The following MAST2 variants were observed in gnomAD, a reference collection of about 807,000 sequenced individuals.
The protein encoded by MAST2 is microtubule-associated serine/threonine-protein kinase 2.
In MAST2, 70 loss-of-function variants were observed where a neutral mutation model predicts 147.4. The ratio of observed to expected loss-of-function variants is 0.47; its 90% CI spans 0.39 to 0.58. The LOEUF is 0.58. MAST2 is among the 20% of genes least tolerant of loss of function. MAST2 has a pLI of 0.00. For missense variants in MAST2, 2,080 were observed against 2,302.3 expected (o/e 0.90, Z 1.98); for synonymous variants, 869 against 896.8 (o/e 0.97, Z 0.55).
chr1:45,839,533 G>T (rs1005774067), intron 3 of MAST2, among the ~76,000 whole-genome samples: 2 of 152,036 alleles, frequency 1.3e-5, no homozygotes, highest in African/African-American at 4.8e-5. Context: ...CTGGCCTCCC[G>T]AAATGCTGGC....
intron 3 of MAST2, chr1:45,847,268 G>C (rs1016294361): frequency 2.0e-6 from 1 of 510,516 alleles, no homozygotes; most frequent in African/African-American, 2.0e-5. Flanking sequence ...TCTGCTTGAT[G>C]ATGGTGTCCT....
At chr1:45,902,699 G>T (rs1167243735) in intron 4 of MAST2, among the ~76,000 whole-genome samples, 1 of 151,656 alleles carries the variant, frequency 6.6e-6, no homozygotes, top group African/African-American at 2.4e-5. Context: ...TTTCTTCCTG[G>T]TTCATTCTTA....
intron 3 of MAST2, among the ~76,000 whole-genome samples, chr1:45,832,153 A>G (rs1044615252): frequency 7.9e-5 from 12 of 152,132 alleles, no homozygotes; most frequent in African/African-American, 1.7e-4. Flanking sequence ...CAACATGTCT[A>G]TTAAAGCCTC....
In MAST2 at chr1:45,849,658, C is replaced by T. The variant is rs190986979; in HGVS notation, c.468+20077C>T. On this transcript the variant is annotated intron_variant, in intron 3 of 28. Coordinates refer to ENST00000361297, the MANE Select transcript of MAST2 (RefSeq NM_015112.3). ...TCTCCTGCCTCAGCCTCTGGAGTAG[C>T]TGGGACTACAGGCGCCCGCCACCAC... is the stretch of plus-strand genomic sequence containing the variant. Among the ~76,000 whole-genome samples the T allele has an allele frequency of 2.7e-3, 418 of 152,164 alleles. 2 individuals carry two copies. The highest frequency in any genetic ancestry group is 9.3e-3 in the African/African-American group (386 of 41,536).
At chr1:45,865,285 T>C (rs1646108035) in intron 3 of MAST2, 1 of 334,138 alleles carries the variant, frequency 3.0e-6, no homozygotes, top group African/African-American at 2.1e-5. Context: ...TTCTTTGATG[T>C]ATAGTTATAA....
intron 5 of MAST2, among the ~76,000 whole-genome samples, chr1:45,966,635 T>C (rs557911491): frequency 3.5e-4 from 53 of 152,148 alleles, no homozygotes; most frequent in African/African-American, 1.2e-3. Context: ...CGCAGGAGAA[T>C]CGCTTGAACC....
intron 3 of MAST2, among the ~76,000 whole-genome samples, chr1:45,878,905 C>A (rs1570501356): frequency 6.8e-6 from 1 of 146,664 alleles, no homozygotes; most frequent in African/African-American, 2.5e-5. Flanking sequence ...CACTTCTTTC[C>A]AAATTGATGT....
intron 4 of MAST2, among the ~76,000 whole-genome samples, chr1:45,884,915 G>A (rs968437982): frequency 6.6e-6 from 1 of 152,180 alleles, no homozygotes; most frequent in African/African-American, 2.4e-5. Context: ...TCCCCAAACA[G>A]TTAAAGTTCC....
Position 46,036,029 on chromosome 1 carries a change from T to C in MAST2, c.5360T>C (p.Leu1787Ser). 1 of 1,612,792 alleles carries C rather than the reference T, an allele frequency of 6.2e-7. No individual in the cohort carries two copies. Among genetic ancestry groups the C allele is most frequent in the East Asian group, 2.2e-5 (1 of 44,862 alleles). ...GGGGGCCATCAAAAGCATCGGGATT[T>C]GGCATTGGTTCCAGATGAGCTTTTA... ...EPGGHQKHRD[L>S]ALVPDELLKQ... The change falls in exon 29 of 29, where the codon TTG becomes TCG. Residue 1787 changes from leucine to serine, a missense_variant. Coordinates refer to ENST00000361297, the MANE Select transcript of MAST2 (RefSeq NM_015112.3).
chr1:45,906,597 ATATT>A (rs1356742161), intron 4 of MAST2, among the ~76,000 whole-genome samples: 1 of 148,470 alleles, frequency 6.7e-6, no homozygotes, highest in African/African-American at 2.4e-5. Flanking sequence ...AATGTTGTAT[ATATT>A]ATTGTTATTA....
At chr1:46,029,692 C>T (rs1646559967) in intron 19 of MAST2, 125 bp downstream of exon 19, 1 of 1,356,238 alleles carries the variant, frequency 7.4e-7, no homozygotes, top group Non-Finnish European at 1.0e-6. Context: ...CTCTGCCCTG[C>T]TCTGTAGGCA....
At chr1:45,809,406 G>A (rs1644230118) in intron 1 of MAST2, among the ~76,000 whole-genome samples, 1 of 152,202 alleles carries the variant, frequency 6.6e-6, no homozygotes, top group Non-Finnish European at 1.5e-5. Flanking sequence ...CACTTTGGGA[G>A]GTTGAGCAGG....
chr1:45,976,783 G>A (rs1278962851), intron 5 of MAST2, among the ~76,000 whole-genome samples: 1 of 152,202 alleles, frequency 6.6e-6, no homozygotes, highest in Non-Finnish European at 1.5e-5. Flanking sequence ...TGAGAAAAAT[G>A]TAAGAGATTA....
intron 3 of MAST2, among the ~76,000 whole-genome samples, chr1:45,856,820 A>G (rs1189716023): frequency 2.0e-5 from 3 of 151,776 alleles, no homozygotes; most frequent in East Asian, 3.9e-4. Context: ...GCTTGAATGT[A>G]TATGTCATGA....
chr1:45,974,991 C>A (rs946576687), intron 5 of MAST2, among the ~76,000 whole-genome samples: 2 of 152,144 alleles, frequency 1.3e-5, no homozygotes, highest in Non-Finnish European at 2.9e-5. Flanking sequence ...CTGATGACAT[C>A]ATTTCAAACC....
At chr1:45,935,762 C>A (rs1656097687) in intron 4 of MAST2, among the ~76,000 whole-genome samples, 1 of 152,120 alleles carries the variant, frequency 6.6e-6, no homozygotes. Context: ...TGGTTTTGTA[C>A]CAGTACTATG....
At chr1:45,837,344 A>G (rs904303180) in intron 3 of MAST2, among the ~76,000 whole-genome samples, 16 of 152,252 alleles carry the variant, frequency 1.1e-4, no homozygotes, top group African/African-American at 3.9e-4. Context: ...TGCCTTTTCC[A>G]GAATTTCATA....
intron 4 of MAST2, among the ~76,000 whole-genome samples, chr1:45,947,130 C>T (rs1658156699): frequency 6.6e-6 from 1 of 151,958 alleles, no homozygotes; most frequent in South Asian, 2.1e-4. Context: ...CCTTCAGTTC[C>T]TTGTCCAAAT....
At chr1:45,954,121 C>T (rs115679032) in intron 4 of MAST2, among the ~76,000 whole-genome samples, 1,831 of 152,270 alleles carry the variant, frequency 0.012, 28 homozygotes, top group African/African-American at 0.039. Flanking sequence ...TATCCAGTCA[C>T]GGAGTGCTCA....
Sources: allele counts gnomAD v4.1 joint callset (sites outside exome capture counted in the v4.1 genomes callset), GRCh38; gene constraint gnomAD v4.1.1; transcripts MANE v1.5; gene names NCBI Gene and HGNC (gene_info 2026-07-23, HGNC 2026-07-21).